Variants in KMT2C observed in about 807,000 individuals in gnomAD.
KMT2C encodes histone-lysine N-methyltransferase 2C.
In KMT2C, 88 loss-of-function variants were observed where a neutral mutation model predicts 507.9. The ratio of observed to expected loss-of-function variants is 0.17; its 90% CI spans 0.15 to 0.21. The LOEUF (loss-of-function observed/expected upper bound fraction) is 0.21. Ranked by LOEUF, KMT2C falls within the 10% of genes least tolerant of loss-of-function variation. The pLI, the probability that KMT2C is intolerant of heterozygous loss-of-function variation, is 1.00. For missense variants in KMT2C, 4,954 were observed against 5,957.8 expected, an observed-to-expected ratio of 0.83 and a Z score of 5.55; for synonymous variants, 2,049 against 2,080.8, an observed-to-expected ratio of 0.98 and a Z score of 0.42.
chr7:152,269,724 T>C (rs1233837028), intron 7 of KMT2C, among the ~76,000 whole-genome samples: 1 of 152,176 alleles, frequency 6.6e-6, no homozygotes, highest in Non-Finnish European at 1.5e-5. Context: ...TGATGAGTAT[T>C]TGAGTATACA....
intron 55 of KMT2C, among the ~76,000 whole-genome samples, chr7:152,141,703 ACT>A (rs1403660928): frequency 7.9e-6 from 1 of 127,136 alleles, no homozygotes; most frequent in African/African-American, 3.2e-5. Flanking sequence ...ACAGAGGAAG[ACT>A]CTGTCTCAAA....
At chr7:152,301,250 G>A (rs1249815415) in intron 6 of KMT2C, among the ~76,000 whole-genome samples, 1 of 150,170 alleles carries the variant, frequency 6.7e-6, no homozygotes, top group African/African-American at 2.4e-5. Context: ...CACACCTGTA[G>A]TCCCAACACT....
chr7:152,191,098 GAGATTCT>G (rs918462251), intron 31 of KMT2C, among the ~76,000 whole-genome samples: 15 of 152,140 alleles, frequency 9.9e-5, no homozygotes, highest in Admixed American at 7.8e-4. Flanking sequence ...AGCATTCCTC[GAGATTCT>G]ATACTCTACT....
rs749440587 is a variant in KMT2C, at chr7:152,163,503, T to C, written c.10074A>G (p.Leu3358=). Residue 3358 remains leucine (L), a synonymous_variant, in exon 43 of 59, where the codon TTA becomes TTG. Transcript: ENST00000262189. ...PPRIQPPIAQ[L]PIKTCTPAPG... is the part of the protein sequence containing the mutation. ...GGGCTGGTGTACAAGTTTTTATTGG[T>C]AACTGGGCAATTGGGGGCTGAATTC... is the stretch of plus-strand genomic sequence containing the variant. 6.2e-7 allele frequency: 1 copy of C among 1,613,744 alleles called. No homozygotes were observed. The highest frequency in any genetic ancestry group is 1.1e-5 in the South Asian group (1 of 91,068).
rs2129088982 is a variant in KMT2C at position 152,138,536 on chromosome 7, G to A, written c.14643+260C>T. ...CACACAGAAATGATACCACCTGGGT[G>A]CCATGGGGATGCTGAACCCGTGGCA... On this transcript the variant is annotated intron_variant, in intron 58 of 58. Transcript: ENST00000262189. The surrounding 1 kb of genome is among the most constrained non-coding windows in gnomAD (Gnocchi z 4.2). The A allele has an allele frequency of 2.8e-6, 1 of 357,790 alleles. No individual in the cohort carries two copies. The highest frequency in any genetic ancestry group is 4.5e-5 in the Admixed American group (1 of 22,122). The allele number at this position is 357,790 out of a possible 1,614,324, so 22.2% of individuals were successfully genotyped here.
chr7:152,299,740 T>C (rs2096549763), intron 6 of KMT2C, among the ~76,000 whole-genome samples: 2 of 151,438 alleles, frequency 1.3e-5, no homozygotes, highest in African/African-American at 2.4e-5. Flanking sequence ...ATGTACATGG[T>C]CTAAATACCC....
At position 152,148,317 on chromosome 7, in the gene KMT2C, C is replaced by T. The variant is rs2091337948; in HGVS notation, c.13610G>A (p.Ser4537Asn). ...GTCCCGTTCTCCTCGTTGCACGATGCTAGCAATCTGTCGCACCTCATCACG... is the reference window on the plus strand; with the variant it reads ...GTCCCGTTCTCCTCGTTGCACGATGTTAGCAATCTGTCGCACCTCATCACG... ...VQRDEVRQIASIVQRGERDHT... is the reference protein window; with the variant it reads ...VQRDEVRQIANIVQRGERDHT... Residue 4537 changes from serine to asparagine, a missense_variant, in exon 52 of 59, where the codon AGC (serine) becomes AAC (asparagine). Ser to Asn is a conservative substitution (Grantham distance 46, BLOSUM62 1). This residue lies in a region of KMT2C where 221 missense variants were observed against 304.7 expected (regional missense o/e 0.73). Transcript: ENST00000262189. This position sits in a 1 kb window ranked among gnomAD's most constrained non-coding sequence, Gnocchi z 7.1. 6 of 1,614,248 alleles carry T rather than the reference C, an allele frequency of 3.7e-6. No homozygotes were observed. In the East Asian group the frequency reaches 1.1e-4, roughly 30 times the overall value.
intron 14 of KMT2C, among the ~76,000 whole-genome samples, chr7:152,246,040 A>C (rs1393384757): frequency 6.6e-6 from 1 of 152,212 alleles, no homozygotes; most frequent in Non-Finnish European, 1.5e-5. Flanking sequence ...AATTCATGTA[A>C]CAGAATACTG....
chr7:152,276,697 G>A (rs200364683), intron 6 of KMT2C, among the ~76,000 whole-genome samples: 2 of 151,758 alleles, frequency 1.3e-5, no homozygotes, highest in South Asian at 2.1e-4. Flanking sequence ...AGGCTGCAGT[G>A]AGCTGTGATC....
chr7:152,258,203 A>C (rs1442908906), intron 9 of KMT2C, among the ~76,000 whole-genome samples: 1 of 152,204 alleles, frequency 6.6e-6, no homozygotes, highest in Non-Finnish European at 1.5e-5. Context: ...AAAAGTATGA[A>C]GTGTTCAAGT....
chr7:152,371,442 AAAGG>A (rs1318918896), intron 1 of KMT2C, among the ~76,000 whole-genome samples: 1 of 152,232 alleles, frequency 6.6e-6, no homozygotes, highest in East Asian at 1.9e-4. Flanking sequence ...ATCAAATCAC[AAAGG>A]AAGACAGCAA....
At chr7:152,220,417 AAGTC>A (rs1357178051) in intron 23 of KMT2C, 102 bp downstream of exon 23, 1 of 876,516 alleles carries the variant, frequency 1.1e-6, no homozygotes, top group Non-Finnish European at 1.8e-6. Context: ...GGGGTTAACT[AAGTC>A]AGTGTGATTT....
chr7:152,145,612 C>T (rs970751880), intron 53 of KMT2C, among the ~76,000 whole-genome samples: 7 of 152,230 alleles, frequency 4.6e-5, no homozygotes, highest in African/African-American at 1.2e-4. Flanking sequence ...CTGAAACACA[C>T]AATACCCACA....
chr7:152,265,991 T>G (rs1275085294), intron 7 of KMT2C, among the ~76,000 whole-genome samples: 1 of 152,282 alleles, frequency 6.6e-6, no homozygotes, highest in African/African-American at 2.4e-5. Context: ...GTTAAACTTA[T>G]GCATACTGCA....
chr7:152,319,164 G>A (rs2096748645), intron 3 of KMT2C, among the ~76,000 whole-genome samples: 2 of 152,168 alleles, frequency 1.3e-5, no homozygotes, highest in Non-Finnish European at 2.9e-5. Flanking sequence ...TGGGCAGCAA[G>A]CCACCCAGGT....
chr7:152,153,104 GA>G (rs1173325997), intron 48 of KMT2C, 150 bp from the exon 49 acceptor site: 5 of 1,015,478 alleles, frequency 4.9e-6, no homozygotes, highest in Non-Finnish European at 7.0e-6. Context: ...AGAACCTCAG[GA>G]AAAAAATTAG....
intron 9 of KMT2C, among the ~76,000 whole-genome samples, chr7:152,261,649 T>C (rs2095780774): frequency 6.6e-6 from 1 of 152,326 alleles, no homozygotes; most frequent in South Asian, 2.1e-4. Flanking sequence ...TACAATAAAT[T>C]TGGCTTCAGC....
At chr7:152,184,072 C>CAAA (rs555445009) in intron 34 of KMT2C, among the ~76,000 whole-genome samples, 5 of 49,460 alleles carry the variant, frequency 1.0e-4, no homozygotes, top group Non-Finnish European at 1.5e-4. Context: ...AGCTCCATCT[C>CAAA]AAAAAAAAAA....
intron 15 of KMT2C, among the ~76,000 whole-genome samples, chr7:152,236,301 C>T (rs1285165199): frequency 6.6e-6 from 1 of 152,210 alleles, no homozygotes; most frequent in African/African-American, 2.4e-5. Context: ...TAAGGAAGAA[C>T]TCTCTCATTA....
Sources: allele counts gnomAD v4.1 joint callset (sites outside exome capture counted in the v4.1 genomes callset), GRCh38; gene constraint gnomAD v4.1.1; regional missense constraint gnomAD v4.1.1; non-coding constraint Gnocchi (gnomAD v3.1); transcripts MANE v1.5; gene names NCBI Gene and HGNC (gene_info 2026-07-23, HGNC 2026-07-21).